WDR7: variants seen among roughly 807,000 people sequenced by gnomAD.
WDR7 encodes WD repeat domain 7, also known as WD repeat-containing protein 7.
In WDR7, 46 loss-of-function variants were observed where a neutral mutation model predicts 169.4. The observed-to-expected ratio is 0.27, with a 90% CI of 0.21 to 0.35. The LOEUF (loss-of-function observed/expected upper bound fraction) is 0.35. Ranked by LOEUF, WDR7 falls within the 10% of genes least tolerant of loss-of-function variation. The pLI is 1.00. For missense variants in WDR7, 1,534 were observed against 1,859.3 expected (o/e 0.83, Z 3.22); for synonymous variants, 612 against 666.8 (o/e 0.92, Z 1.27).
chr18:56,658,673 AG>A (rs2024833337), intron 1 of WDR7, among the ~76,000 whole-genome samples: 1 of 152,174 alleles, frequency 6.6e-6, no homozygotes, highest in South Asian at 2.1e-4. Context: ...AACTTCCATT[AG>A]TTGGAGCAAA....
intron 6 of WDR7, 151 bp downstream of exon 6, chr18:56,686,183 C>CT (rs2025440341): frequency 3.4e-6 from 2 of 582,336 alleles, no homozygotes; most frequent in Non-Finnish European, 5.7e-6. Flanking sequence ...ATGGAAGATT[C>CT]TCTAGTATGC....
intron 1 of WDR7, among the ~76,000 whole-genome samples, chr18:56,664,116 A>G (rs1189958962): frequency 6.6e-6 from 1 of 152,212 alleles, no homozygotes; most frequent in Non-Finnish European, 1.5e-5. Flanking sequence ...ATTAATGTCA[A>G]AGCATCCTCT....
At chr18:56,913,606 G>A (rs557440323) in intron 21 of WDR7, among the ~76,000 whole-genome samples, 68 of 142,626 alleles carry the variant, frequency 4.8e-4, no homozygotes, top group African/African-American at 1.7e-3. Context: ...GGGCAACAGA[G>A]TGAGACCCCA....
intron 21 of WDR7, among the ~76,000 whole-genome samples, chr18:56,903,179 G>C (rs1234446078): frequency 6.6e-6 from 1 of 152,064 alleles, no homozygotes; most frequent in Non-Finnish European, 1.5e-5. Flanking sequence ...AACCGTTGAG[G>C]TTTTGCATCT....
rs1401736296 is a variant in WDR7, at chr18:56,776,776, T to G, written c.2849-6T>G. 2 of 1,613,338 alleles carry G rather than the reference T, an allele frequency of 1.2e-6. No homozygotes were observed. On this transcript the variant is annotated splice_region_variant and splice_polypyrimidine_tract_variant and intron_variant, in intron 16 of 27. Transcript: ENST00000254442. ...CCTCTTTACTTCTTCTCTTTTCCTC[T>G]GCAAGTTGCTGCACCTGTCGTTTCC...
intron 19 of WDR7, among the ~76,000 whole-genome samples, chr18:56,792,022 T>C (rs1301513135): frequency 1.3e-5 from 2 of 152,048 alleles, no homozygotes; most frequent in Non-Finnish European, 2.9e-5. Context: ...TTTTCTTTTC[T>C]TTTTCTTTCT....
At chr18:56,939,658 A>G (rs1390541191) in intron 25 of WDR7, among the ~76,000 whole-genome samples, 1 of 152,122 alleles carries the variant, frequency 6.6e-6, no homozygotes, top group Non-Finnish European at 1.5e-5. Flanking sequence ...ATATGTCTGT[A>G]TTCTTATATT....
chr18:56,761,056 C>T (rs963310428), intron 16 of WDR7, among the ~76,000 whole-genome samples: 4 of 152,166 alleles, frequency 2.6e-5, no homozygotes, highest in African/African-American at 9.7e-5. Flanking sequence ...TAGACCCAGG[C>T]TGGGGTGCAG....
At position 56,696,350 on chromosome 18, in the gene WDR7, G is replaced by A. The variant is rs2025704047; in HGVS notation, c.1466G>A (p.Gly489Asp). 9 of 1,614,102 alleles carry A rather than the reference G, an allele frequency of 5.6e-6. No individual in the cohort carries two copies. The highest frequency in any genetic ancestry group is 6.8e-6 in the Non-Finnish European group (8 of 1,179,992). ...GATCAAAGATACCTGATATCTGGAG[G>A]TGTGGATTTTTCAGTCATAATTTGG... The part of the protein sequence containing the change: ...RYDQRYLISG[G>D]VDFSVIIWDI... The change falls in exon 12 of 28, where the codon GGT becomes GAT. Residue 489 changes from glycine (G) to aspartate (D), a missense_variant. By Grantham distance (94) the Gly-to-Asp change is moderately conservative. Coordinates refer to ENST00000254442, the MANE Select transcript of WDR7 (RefSeq NM_015285.3).
chr18:56,759,987 A>G (rs1228869805), intron 16 of WDR7, among the ~76,000 whole-genome samples: 1 of 152,088 alleles, frequency 6.6e-6, no homozygotes, highest in African/African-American at 2.4e-5. Flanking sequence ...CACACTTTCT[A>G]TGCCATTTCT....
At chr18:56,998,596 T>C (rs1435846733) in intron 26 of WDR7, among the ~76,000 whole-genome samples, 1 of 152,190 alleles carries the variant, frequency 6.6e-6, no homozygotes, top group Non-Finnish European at 1.5e-5. Context: ...AGAATTCTAT[T>C]AAGGAATATG....
At chr18:56,743,333 A>C (rs968387005) in intron 14 of WDR7, among the ~76,000 whole-genome samples, 1 of 152,156 alleles carries the variant, frequency 6.6e-6, no homozygotes, top group Non-Finnish European at 1.5e-5. Flanking sequence ...ATGGTTCTTA[A>C]TACTGTGGAA....
chr18:56,770,816 A>T (rs2044143237), intron 16 of WDR7, among the ~76,000 whole-genome samples: 1 of 151,712 alleles, frequency 6.6e-6, no homozygotes, highest in Admixed American at 6.6e-5. Flanking sequence ...TTCCCTAAGA[A>T]TCTTTGGACA....
intron 26 of WDR7, among the ~76,000 whole-genome samples, chr18:57,014,094 G>A (rs1169136241): frequency 6.6e-6 from 1 of 152,152 alleles, no homozygotes; most frequent in African/African-American, 2.4e-5. Flanking sequence ...GAGAGGCCGA[G>A]GCAGGTGGAT....
chr18:56,695,212 C>T lies in WDR7; in HGVS notation c.1357+14C>T, dbSNP rs776204530. 9.9e-6 allele frequency: 16 copies of T among 1,608,454 alleles called. No individual in the cohort carries two copies. The highest frequency in any genetic ancestry group is 1.3e-5 in the Non-Finnish European group (15 of 1,176,274). On this transcript the variant is annotated intron_variant, in intron 11 of 27. Coordinates refer to ENST00000254442, the MANE Select transcript of WDR7 (RefSeq NM_015285.3). ...TGCTCAGAAGAGGTATACTGAAGAG[C>T]TCCGTATGTCTAAAGTGTTTTGACA...
At chr18:56,929,948 A>G (rs1359081790) in intron 22 of WDR7, among the ~76,000 whole-genome samples, 1 of 152,218 alleles carries the variant, frequency 6.6e-6, no homozygotes, top group Non-Finnish European at 1.5e-5. Flanking sequence ...CTGCTCTTGG[A>G]AGCCTAGACT....
At chr18:56,884,694 G>A (rs2046161903) in intron 21 of WDR7, among the ~76,000 whole-genome samples, 1 of 152,102 alleles carries the variant, frequency 6.6e-6, no homozygotes, top group Non-Finnish European at 1.5e-5. Context: ...CAACCTGATG[G>A]TCTTTCTCTA....
At chr18:57,024,021 T>C (rs7241178) in intron 27 of WDR7, among the ~76,000 whole-genome samples, 29,784 of 152,146 alleles carry the variant, frequency 0.2, 3,198 homozygotes, top group Middle Eastern at 0.26. Context: ...CTTGTTTATA[T>C]AAAATTTATT....
intron 16 of WDR7, among the ~76,000 whole-genome samples, chr18:56,771,267 A>G (rs548178816): frequency 6.2e-4 from 94 of 152,306 alleles, no homozygotes; most frequent in African/African-American, 2.2e-3. Context: ...TACTTATATG[A>G]TGTTCATTTT....
Sources: allele counts gnomAD v4.1 joint callset (sites outside exome capture counted in the v4.1 genomes callset), GRCh38; gene constraint gnomAD v4.1.1; transcripts MANE v1.5; gene names NCBI Gene and HGNC (gene_info 2026-07-23, HGNC 2026-07-21).